The following SLC7A7 variants were observed in gnomAD, a reference collection of about 807,000 sequenced individuals.
The protein encoded by SLC7A7 is solute carrier family 7 member 7.
Under a neutral mutation model 47.9 loss-of-function variants are expected in SLC7A7, and 39 were observed. The observed-to-expected ratio is 0.81, with a 90% CI of 0.63 to 1.06. The LOEUF is 1.06. SLC7A7 is among the 50% of genes least tolerant of loss of function. The pLI is 0.00. For synonymous variants in SLC7A7, 234 were observed against 242.8 expected (o/e 0.96, Z 0.34); for missense variants, 588 against 632.0 (o/e 0.93, Z 0.75).
chr14:22,798,941 T>G (rs547650742), intron 2 of SLC7A7, among the ~76,000 whole-genome samples: 13 of 152,292 alleles, frequency 8.5e-5, no homozygotes, highest in Non-Finnish European at 1.5e-4. Context: ...AGTGTACATA[T>G]GTCTCTCCCA....
At chr14:22,806,996 C>T (rs1291506553) in intron 2 of SLC7A7, among the ~76,000 whole-genome samples, 1 of 148,672 alleles carries the variant, frequency 6.7e-6, no homozygotes, top group South Asian at 2.1e-4. Context: ...TTCCCGGGTT[C>T]ATGCCATTCT....
chr14:22,785,155 T>A (rs1647250425), intron 2 of SLC7A7, among the ~76,000 whole-genome samples: 1 of 152,126 alleles, frequency 6.6e-6, no homozygotes, highest in African/African-American at 2.4e-5. Context: ...GGCGCATGCC[T>A]GTAATCCCAG....
chr14:22,799,448 CTTTTTTTTTTTTT>C (rs56375225), intron 2 of SLC7A7, among the ~76,000 whole-genome samples: 13 of 76,170 alleles, frequency 1.7e-4, no homozygotes, highest in Non-Finnish European at 2.8e-4. Flanking sequence ...TTTTTTCTTT[CTTTTTTTTTTTTT>C]TTTTTTTTTT....
chr14:22,792,112 G>C (rs529939305), intron 2 of SLC7A7, among the ~76,000 whole-genome samples: 2 of 152,240 alleles, frequency 1.3e-5, no homozygotes, highest in South Asian at 4.2e-4. Flanking sequence ...TGGGATTACA[G>C]GCTTGAGCCA....
At position 22,778,791 on chromosome 14, in the gene SLC7A7, AC is replaced by A. The variant is rs2139394672; in HGVS notation, c.770+1del. The stretch of plus-strand genomic sequence containing the variant: ...ATGGAAAGTTGGTGGTGCAGTACCT[AC>A]CTCTCAGGATTCTTGATCTCTTCAG... On this transcript the variant is annotated splice_donor_variant, in intron 4 of 9. Transcript: ENST00000674313. LOFTEE classifies it high-confidence loss of function. The A allele has an allele frequency of 1.2e-6, 2 of 1,613,984 alleles. No individual in the cohort carries two copies. Among genetic ancestry groups the A allele is most frequent in the Non-Finnish European group, 1.7e-6 (2 of 1,179,920 alleles).
rs202115622 is a variant in SLC7A7, at chr14:22,776,113, C to A, written c.894+82G>T. On this transcript the variant is annotated intron_variant, in intron 5 of 9. Coordinates refer to ENST00000674313, the MANE Select transcript of SLC7A7 (RefSeq NM_003982.4). ...GAACTCCTTTCAAGGCTGTCTACCC[C>A]CTTTCCAGGACTTTCAAGAGCCAGA... The A allele has an allele frequency of 5.7e-4, 912 of 1,590,508 alleles. 2 individuals are homozygous for A. The highest frequency in any genetic ancestry group is 7.1e-4 in the Non-Finnish European group (819 of 1,158,648).
At chr14:22,812,840 C>T (rs1242585958) in intron 2 of SLC7A7, 60 bp downstream of exon 2, 1 of 1,552,038 alleles carries the variant, frequency 6.4e-7, no homozygotes, top group Non-Finnish European at 8.7e-7. Flanking sequence ...CCAGACTGCA[C>T]TCACATCCCA....
At chr14:22,775,173 C>G (rs926926024) in intron 7 of SLC7A7, among the ~76,000 whole-genome samples, 2 of 152,172 alleles carry the variant, frequency 1.3e-5, no homozygotes, top group Non-Finnish European at 2.9e-5. Context: ...AACACCGTAT[C>G]ACTCACTATC....
intron 5 of SLC7A7, 106 bp downstream of exon 5, chr14:22,776,089 A>T: frequency 6.6e-7 from 1 of 1,525,724 alleles, no homozygotes; most frequent in Non-Finnish European, 9.1e-7. Context: ...ATTCTAAATG[A>T]ACTCCTTTCA....
chr14:22,787,489 C>T (rs567678413), intron 2 of SLC7A7, among the ~76,000 whole-genome samples: 3 of 151,830 alleles, frequency 2.0e-5, no homozygotes, highest in African/African-American at 4.9e-5. Context: ...CAGTGGCTCA[C>T]GCCTGTAATC....
In SLC7A7 at chr14:22,773,444, A is replaced by G; in HGVS notation, c.*166T>C. 1 of 713,532 alleles carries G rather than the reference A, an allele frequency of 1.4e-6. No homozygotes were observed. The allele number at this position is 713,532 out of a possible 1,614,324, so 44.2% of individuals were successfully genotyped here. The stretch of plus-strand genomic sequence containing the variant: ...AGTCTGGAACAGTATGTAGCAAAAC[A>G]AATAAATTACTTTTCATTTCAAAAA... On this transcript the variant is annotated 3_prime_UTR_variant, in exon 10 of 10. Coordinates refer to ENST00000674313, the MANE Select transcript of SLC7A7 (RefSeq NM_003982.4).
intron 2 of SLC7A7, among the ~76,000 whole-genome samples, chr14:22,802,127 G>A (rs758401669): frequency 9.2e-5 from 14 of 152,268 alleles, no homozygotes; most frequent in East Asian, 1.9e-4. Flanking sequence ...GGCCGGGCAC[G>A]GTAGGTGGCT....
upstream of SLC7A7, among the ~76,000 whole-genome samples, chr14:22,817,998 G>T (rs2039429495): frequency 6.6e-6 from 1 of 151,708 alleles, no homozygotes; most frequent in Non-Finnish European, 1.5e-5. Flanking sequence ...TGCTGCTATT[G>T]CTAGGGTGCC....
In SLC7A7 at chr14:22,801,769, G is replaced by A. The variant is rs147781093; in HGVS notation, c.499+11131C>T. Among the ~76,000 whole-genome samples the A allele has an allele frequency of 7.7e-3, 1,171 of 152,152 alleles. 6 individuals are homozygous for A. The highest frequency in any genetic ancestry group is 0.01 in the African/African-American group (432 of 41,534). ...CAGCCTGGTGACAGAGCGAGACTCC[G>A]TCTCAAAAAAACAAAACAAAACAAA... On this transcript the variant is annotated intron_variant, in intron 2 of 9. Transcript: ENST00000674313.
At chr14:22,775,165 C>T (rs2038575253) in intron 7 of SLC7A7, among the ~76,000 whole-genome samples, 1 of 152,132 alleles carries the variant, frequency 6.6e-6, no homozygotes, top group South Asian at 2.1e-4. Flanking sequence ...TTCTCTTAAA[C>T]ACCGTATCAC....
chr14:22,792,978 G>T (rs1472816338), intron 2 of SLC7A7, among the ~76,000 whole-genome samples: 1 of 149,366 alleles, frequency 6.7e-6, no homozygotes, highest in African/African-American at 2.5e-5. Context: ...GTGCAGTGGT[G>T]CGATCTTGGC....
intron 4 of SLC7A7, among the ~76,000 whole-genome samples, chr14:22,776,980 CAA>C (rs34004476): frequency 7.2e-6 from 1 of 139,832 alleles, no homozygotes. Context: ...AAAAACAAAC[CAA>C]AAAAAAAAAA....
chr14:22,783,660 C>T (rs2038761650), intron 2 of SLC7A7, among the ~76,000 whole-genome samples: 1 of 152,156 alleles, frequency 6.6e-6, no homozygotes, highest in Admixed American at 6.6e-5. Context: ...CTCAGCCTCC[C>T]AAAGTGCTGG....
intron 2 of SLC7A7, 126 bp downstream of exon 2, chr14:22,812,774 T>TATATATATATATATATATATAC (rs2039332707): frequency 9.7e-6 from 1 of 102,568 alleles, no homozygotes; most frequent in Non-Finnish European, 1.5e-5. Context: ...ATACTTTAAC[T>TATATATATATATATATATATAC]ATATATATAT....
Sources: allele counts gnomAD v4.1 joint callset (sites outside exome capture counted in the v4.1 genomes callset), GRCh38; gene constraint gnomAD v4.1.1; transcripts MANE v1.5; gene names NCBI Gene and HGNC (gene_info 2026-07-23, HGNC 2026-07-21).